The following PDZD9 variants were observed in gnomAD, a reference collection of about 807,000 sequenced individuals.
The protein encoded by PDZD9 is PDZ domain containing 9.
In PDZD9, 13 loss-of-function variants were observed where a neutral mutation model predicts 16.3. The observed-to-expected ratio is 0.80, with a 90% CI of 0.52 to 1.27. The LOEUF (loss-of-function observed/expected upper bound fraction) is 1.27, where lower values mean the gene tolerates loss of function less well. Among genes scored for constraint, PDZD9 ranks in the 50% most tolerant of loss-of-function variants. The pLI, the probability that PDZD9 is intolerant of heterozygous loss-of-function variation, is 0.00. For synonymous variants in PDZD9, 120 were observed against 111.0 expected, an observed-to-expected ratio of 1.08 and a Z score of -0.51; for missense variants, 288 against 310.9, an observed-to-expected ratio of 0.93 and a Z score of 0.55.
chr16:21,998,189 A>G (rs1899197341), intron 1 of PDZD9: 1 of 152,370 alleles, frequency 6.6e-6, no homozygotes, highest in South Asian at 2.1e-4. Flanking sequence ...GGCAAGGTCC[A>G]GTGGTTCCTA....
chr16:21,997,639 G>A (rs1018534611), intron 1 of PDZD9, among the ~76,000 whole-genome samples: 3 of 152,162 alleles, frequency 2.0e-5, no homozygotes, highest in Non-Finnish European at 2.9e-5. Context: ...CGAAGGCCTT[G>A]GAGACAAGGG....
the PDZD9 span, chr16:21,976,125 T>C: frequency 4.2e-6 from 6 of 1,429,900 alleles, no homozygotes; most frequent in Middle Eastern, 1.7e-4. Context: ...CAGGAGACTC[T>C]GGTACTGACC....
At chr16:21,980,844 A>C (rs1898707524), downstream of PDZD9, 1 of 932,522 alleles carries the variant, frequency 1.1e-6, no homozygotes, top group South Asian at 2.0e-5. Flanking sequence ...AGGAGGGCTC[A>C]TTCCCATAAG....
chr16:21,990,542 C>A (rs1372963405), intron 2 of PDZD9, among the ~76,000 whole-genome samples: 2 of 152,158 alleles, frequency 1.3e-5, no homozygotes, highest in African/African-American at 2.4e-5. Flanking sequence ...GGGGGTAATA[C>A]AATCAACCAT....
At chr16:21,972,066 A>G in the PDZD9 span, 4 of 1,614,140 alleles carry the variant, frequency 2.5e-6, no homozygotes, top group Non-Finnish European at 3.4e-6. Flanking sequence ...GAGGGGCAGC[A>G]ACACCACCAG....
the PDZD9 span, among the ~76,000 whole-genome samples, chr16:21,969,068 A>G: frequency 1.3e-5 from 2 of 152,212 alleles, no homozygotes; most frequent in African/African-American, 4.8e-5. Flanking sequence ...TCTTTGTTTT[A>G]AATGATCAGC....
chr16:21,980,421 G>T, downstream of PDZD9: 1 of 962,748 alleles, frequency 1.0e-6, no homozygotes, highest in Non-Finnish European at 1.5e-6. Flanking sequence ...AATTCAGGAA[G>T]AGGGAGACAC....
chr16:21,965,435 C>T, the PDZD9 span: 2 of 1,613,948 alleles, frequency 1.2e-6, no homozygotes, highest in Non-Finnish European at 1.7e-6. Context: ...CATGCAGCAG[C>T]TTACCGGAAT....
downstream of PDZD9, chr16:21,980,474 C>T (rs940996533): frequency 7.2e-6 from 11 of 1,522,528 alleles, no homozygotes; most frequent in African/African-American, 8.3e-5. Context: ...TGTTCACAGC[C>T]CCCCGCCACC....
intron 1 of PDZD9, 32 bp downstream of exon 1, chr16:22,000,985 G>A (rs776802553): frequency 6.5e-7 from 1 of 1,531,520 alleles, no homozygotes; most frequent in Non-Finnish European, 8.7e-7. Flanking sequence ...GGTCCCCAGG[G>A]CTTCTTCACC....
intron 1 of PDZD9, among the ~76,000 whole-genome samples, chr16:22,000,088 C>T (rs890528234): frequency 6.6e-6 from 1 of 151,972 alleles, no homozygotes. Context: ...TGCCTACAGT[C>T]CCAGCTATGG....
At chr16:21,974,020 T>TTTC in the PDZD9 span, 1 of 1,489,668 alleles carries the variant, frequency 6.7e-7, no homozygotes, top group Non-Finnish European at 9.1e-7. Flanking sequence ...ACAAGTTATT[T>TTTC]CTCCCCCCCG....
At chr16:21,992,907 G>A (rs1392340988) in intron 2 of PDZD9, among the ~76,000 whole-genome samples, 1 of 152,150 alleles carries the variant, frequency 6.6e-6, no homozygotes, top group Non-Finnish European at 1.5e-5. Flanking sequence ...GATCACGGGG[G>A]TGGTTTCCCC....
chr16:21,996,196 G>T, intron 2 of PDZD9, 126 bp downstream of exon 2: 1 of 1,194,696 alleles, frequency 8.4e-7, no homozygotes, highest in Non-Finnish European at 1.1e-6. Context: ...AAAGTGCTGG[G>T]ATTACAGGCA....
the PDZD9 span, chr16:21,962,949 A>G: frequency 6.5e-7 from 1 of 1,528,470 alleles, no homozygotes; most frequent in South Asian, 1.3e-5. Context: ...ATCAATTTAT[A>G]GAAGAAAAAA....
downstream of PDZD9, chr16:21,980,491 A>G (rs78796192): frequency 7.0e-7 from 1 of 1,432,940 alleles, no homozygotes; most frequent in Non-Finnish European, 9.4e-7. Flanking sequence ...CACCACTCAG[A>G]AAAAAAAAAT....
At chr16:21,961,237 C>A in the PDZD9 span, 1 of 365,880 alleles carries the variant, frequency 2.7e-6, no homozygotes, top group South Asian at 2.0e-5. Context: ...CAAGGAATAT[C>A]TGGTAATATT....
the PDZD9 span, chr16:21,962,747 G>T: frequency 1.9e-6 from 3 of 1,613,614 alleles, no homozygotes; most frequent in African/African-American, 2.7e-5. Context: ...TTCTTATCTC[G>T]ATGTCTTCTG....
At chr16:21,988,092 C>T (rs1309471204) in intron 3 of PDZD9, among the ~76,000 whole-genome samples, 3 of 148,508 alleles carry the variant, frequency 2.0e-5, no homozygotes, top group Non-Finnish European at 4.4e-5. Context: ...ACTGCAACCT[C>T]CGACTCCCTG....
Sources: allele counts gnomAD v4.1 joint callset (sites outside exome capture counted in the v4.1 genomes callset), GRCh38; gene constraint gnomAD v4.1.1; transcripts MANE v1.5; gene names NCBI Gene and HGNC (gene_info 2026-07-23, HGNC 2026-07-21).